Variants in PTPRD observed in about 807,000 individuals in gnomAD.
PTPRD encodes the protein receptor-type tyrosine-protein phosphatase delta.
Under a neutral mutation model 214.5 loss-of-function variants are expected in PTPRD, and 34 were observed. That is an observed-to-expected ratio of 0.16 (90% CI 0.12 to 0.21). The LOEUF is 0.21. Ranked by LOEUF, PTPRD falls within the 10% of genes least tolerant of loss-of-function variation. The pLI is 1.00. For synonymous variants in PTPRD, 1,128 were observed against 845.7 expected, an observed-to-expected ratio of 1.33 and a Z score of -5.79; for missense variants, 2,545 against 2,398.7, an observed-to-expected ratio of 1.06 and a Z score of -1.27.
At chr9:9,987,862 C>T (rs116427477) in intron 4 of PTPRD, among the ~76,000 whole-genome samples, 2,027 of 152,202 alleles carry the variant, frequency 0.013, 48 homozygotes, top group African/African-American at 0.045. Context: ...TTCATTTAAA[C>T]TCTTTGTTTT....
At chr9:9,803,388 T>C (rs1295211910) in intron 5 of PTPRD, among the ~76,000 whole-genome samples, 2 of 152,010 alleles carry the variant, frequency 1.3e-5, no homozygotes, top group East Asian at 3.8e-4. Flanking sequence ...AAACTATTTT[T>C]TCATTAGATT....
intron 33 of PTPRD, among the ~76,000 whole-genome samples, chr9:8,459,622 T>C (rs1444983522): frequency 6.6e-6 from 1 of 152,038 alleles, no homozygotes; most frequent in East Asian, 1.9e-4. Context: ...GAAAAAATCT[T>C]ATTAGAGATT....
chr9:10,333,342 A>C (rs1222641573), intron 3 of PTPRD, among the ~76,000 whole-genome samples: 2 of 151,770 alleles, frequency 1.3e-5, no homozygotes, highest in Non-Finnish European at 2.9e-5. Flanking sequence ...AGCACTAGAC[A>C]CTGGAAAGGA....
intron 8 of PTPRD, among the ~76,000 whole-genome samples, chr9:9,509,693 A>G (rs2096653695): frequency 6.6e-6 from 1 of 151,514 alleles, no homozygotes; most frequent in African/African-American, 2.4e-5. Flanking sequence ...GGCTATCTTC[A>G]TTGTGGCAGT....
intron 8 of PTPRD, among the ~76,000 whole-genome samples, chr9:9,466,915 T>C (rs1359460147): frequency 6.6e-6 from 1 of 152,150 alleles, no homozygotes; most frequent in Non-Finnish European, 1.5e-5. Flanking sequence ...GCTTGTCAAG[T>C]ACTGAGAAAA....
chr9:9,021,871 A>G (rs537582646), intron 10 of PTPRD, among the ~76,000 whole-genome samples: 18 of 152,234 alleles, frequency 1.2e-4, no homozygotes, highest in Middle Eastern at 3.4e-3. Flanking sequence ...GTTATTACAA[A>G]AGAGTCAAAA....
At chr9:8,450,600 T>G (rs1306529692) in intron 33 of PTPRD, among the ~76,000 whole-genome samples, 1 of 152,232 alleles carries the variant, frequency 6.6e-6, no homozygotes, top group African/African-American at 2.4e-5. Flanking sequence ...TGCCTTGTTA[T>G]AAATGTGATT....
intron 8 of PTPRD, among the ~76,000 whole-genome samples, chr9:9,529,174 C>T (rs1426618473): frequency 5.3e-5 from 8 of 151,504 alleles, no homozygotes; most frequent in African/African-American, 7.3e-5. Context: ...CCTCGTGATC[C>T]GCCCGCCTTG....
At chr9:9,761,601 T>C (rs2154475912) in intron 6 of PTPRD, among the ~76,000 whole-genome samples, 1 of 152,298 alleles carries the variant, frequency 6.6e-6, no homozygotes, top group East Asian at 1.9e-4. Flanking sequence ...AATTTCAATA[T>C]GCTGGTTGTG....
chr9:9,403,286 G>C (rs2071632145), intron 8 of PTPRD, among the ~76,000 whole-genome samples: 1 of 7,372 alleles, frequency 1.4e-4, no homozygotes, highest in Non-Finnish European at 2.4e-4. Context: ...GGAATACTCT[G>C]TCTCAAAAAA....
At chr9:8,480,918 T>A (rs757920941) in intron 30 of PTPRD, among the ~76,000 whole-genome samples, 5 of 152,046 alleles carry the variant, frequency 3.3e-5, no homozygotes, top group Non-Finnish European at 5.9e-5. Context: ...AGGGGTTGGA[T>A]CACGAGGTCA....
chr9:10,433,716 T>A (rs1158155314), intron 2 of PTPRD, among the ~76,000 whole-genome samples: 1 of 151,928 alleles, frequency 6.6e-6, no homozygotes, highest in East Asian at 1.9e-4. Flanking sequence ...AACTAAAAGT[T>A]GACTCCCAGA....
intron 5 of PTPRD, among the ~76,000 whole-genome samples, chr9:9,889,406 C>G (rs1051119662): frequency 6.6e-6 from 1 of 151,878 alleles, no homozygotes; most frequent in African/African-American, 2.4e-5. Context: ...TTAAAAAATA[C>G]AAATTTAAAA....
intron 8 of PTPRD, among the ~76,000 whole-genome samples, chr9:9,490,919 T>C (rs1020816762): frequency 3.3e-5 from 5 of 151,434 alleles, no homozygotes; most frequent in African/African-American, 1.2e-4. Flanking sequence ...GTTGAACTAA[T>C]TAATATGAAT....
intron 3 of PTPRD, among the ~76,000 whole-genome samples, chr9:10,068,252 G>T (rs144950368): frequency 6.6e-6 from 1 of 151,832 alleles, no homozygotes; most frequent in Non-Finnish European, 1.5e-5. Context: ...CTGGATAACC[G>T]AATGTGGAAA....
intron 2 of PTPRD, among the ~76,000 whole-genome samples, chr9:10,444,614 T>C (rs1439833121): frequency 6.6e-6 from 1 of 151,664 alleles, no homozygotes; most frequent in Admixed American, 6.6e-5. Context: ...ATATGAAATA[T>C]AAAGGAAGAT....
chr9:9,845,051 T>TAA (rs2059180650), intron 5 of PTPRD, among the ~76,000 whole-genome samples: 1 of 56,914 alleles, frequency 1.8e-5, no homozygotes. Context: ...TATAGCTATA[T>TAA]ATAGAGCAAT....
chr9:8,968,443 C>T (rs1227940774), intron 11 of PTPRD, among the ~76,000 whole-genome samples: 1 of 151,476 alleles, frequency 6.6e-6, no homozygotes, highest in Non-Finnish European at 1.5e-5. Context: ...TAATGATCGC[C>T]GTTCTAACTG....
chr9:9,462,193 T>C (rs965718576), intron 8 of PTPRD, among the ~76,000 whole-genome samples: 1 of 152,096 alleles, frequency 6.6e-6, no homozygotes, highest in African/African-American at 2.4e-5. Flanking sequence ...TCTAAAGGAC[T>C]TCAAAGTATT....
Sources: allele counts gnomAD v4.1 joint callset (sites outside exome capture counted in the v4.1 genomes callset), GRCh38; gene constraint gnomAD v4.1.1; transcripts MANE v1.5; gene names NCBI Gene and HGNC (gene_info 2026-07-23, HGNC 2026-07-21).